SNTG1: variants seen among roughly 807,000 people sequenced by gnomAD.
SNTG1 encodes gamma-1-syntrophin.
Under a neutral mutation model 74.7 loss-of-function variants are expected in SNTG1, and 39 were observed. That is an observed-to-expected ratio of 0.52 (90% CI 0.40 to 0.68). The LOEUF is 0.68. SNTG1 is among the 30% of genes least tolerant of loss of function. SNTG1 has a pLI of 0.00. For missense variants in SNTG1, 685 were observed against 609.5 expected, an observed-to-expected ratio of 1.12 and a Z score of -1.30; for synonymous variants, 254 against 217.1, an observed-to-expected ratio of 1.17 and a Z score of -1.49.
chr8:50,021,947 AATAAAAAT>A (rs1186165484), intron 1 of SNTG1, among the ~76,000 whole-genome samples: 8 of 133,766 alleles, frequency 6.0e-5, no homozygotes, highest in Non-Finnish European at 9.5e-5. Flanking sequence ...TCAAAAAAAA[AATAAAAAT>A]AAAAATAAAA....
chr8:50,453,082 C>G (rs534344391), intron 8 of SNTG1, among the ~76,000 whole-genome samples: 1 of 152,180 alleles, frequency 6.6e-6, no homozygotes, highest in Non-Finnish European at 1.5e-5. Context: ...TATACCTACT[C>G]TATTCCTTGA....
At chr8:50,786,285 A>C (rs1427720112) in intron 18 of SNTG1, among the ~76,000 whole-genome samples, 1 of 152,022 alleles carries the variant, frequency 6.6e-6, no homozygotes, top group Non-Finnish European at 1.5e-5. Flanking sequence ...AGTATCAAAA[A>C]ATTCTAAGGA....
intron 8 of SNTG1, among the ~76,000 whole-genome samples, chr8:50,484,738 A>C (rs1202309151): frequency 1.3e-5 from 2 of 150,702 alleles, no homozygotes; most frequent in Non-Finnish European, 2.9e-5. Flanking sequence ...GCATGCCTGC[A>C]ACCCCAGCTA....
chr8:50,461,007 T>C (rs542757155), intron 8 of SNTG1, among the ~76,000 whole-genome samples: 40 of 152,244 alleles, frequency 2.6e-4, no homozygotes, highest in African/African-American at 7.9e-4. Context: ...GCTTTTTTTT[T>C]CCTCTTACAG....
rs190653838 is a variant in SNTG1, at chr8:50,045,207, T to C, written c.-102-127354T>C. Among the ~76,000 whole-genome samples, 511 of 152,310 alleles carry C rather than the reference T, an allele frequency of 3.4e-3. 5 individuals carry two copies. The highest frequency in any genetic ancestry group is 0.012 in the African/African-American group (479 of 41,552). ...TCTTTGCCTTACTATAAAGAAATAC[T>C]TGTGGCTGGGTAATATATATAAAGA... On this transcript the variant is annotated intron_variant, in intron 1 of 18. Transcript: ENST00000642720.
intron 8 of SNTG1, among the ~76,000 whole-genome samples, chr8:50,482,386 C>T (rs2093748042): frequency 6.6e-6 from 1 of 152,196 alleles, no homozygotes; most frequent in African/African-American, 2.4e-5. Context: ...GCTTCCCCGT[C>T]CCCGCCTACT....
At chr8:49,988,069 G>A (rs1813342304) in intron 1 of SNTG1, among the ~76,000 whole-genome samples, 1 of 152,106 alleles carries the variant, frequency 6.6e-6, no homozygotes, top group African/African-American at 2.4e-5. Flanking sequence ...ACAGGCTCAA[G>A]GCTGTGACTT....
At chr8:50,704,434 G>A (rs970790115) in intron 15 of SNTG1, 166 bp from the exon 16 acceptor site, 1 of 789,304 alleles carries the variant, frequency 1.3e-6, no homozygotes, top group African/African-American at 1.7e-5. Flanking sequence ...CATGTGTTGG[G>A]GCTTTGAAGC....
At chr8:50,450,466 T>C in intron 6 of SNTG1, 90 bp from the exon 7 acceptor site, 2 of 1,352,216 alleles carry the variant, frequency 1.5e-6, no homozygotes, top group African/African-American at 1.5e-5. Context: ...TTTTTATATT[T>C]GTAAATTTTA....
At chr8:50,665,081 G>C (rs1335653882) in intron 15 of SNTG1, among the ~76,000 whole-genome samples, 1 of 152,014 alleles carries the variant, frequency 6.6e-6, no homozygotes, top group Non-Finnish European at 1.5e-5. Context: ...TTACAAATAA[G>C]TTTACATTTT....
intron 8 of SNTG1, among the ~76,000 whole-genome samples, chr8:50,476,375 C>T (rs538406771): frequency 2.0e-5 from 3 of 152,196 alleles, no homozygotes; most frequent in South Asian, 2.1e-4. Context: ...CTTTGAATAA[C>T]GGAGGACTAC....
chr8:50,097,298 T>C (rs1221836928), intron 1 of SNTG1, among the ~76,000 whole-genome samples: 10 of 151,704 alleles, frequency 6.6e-5, no homozygotes. Flanking sequence ...TGCTTAGTTG[T>C]GAATTTGATA....
chr8:50,661,818 C>T (rs2095225381), intron 15 of SNTG1, among the ~76,000 whole-genome samples: 1 of 152,044 alleles, frequency 6.6e-6, no homozygotes, highest in African/African-American at 2.4e-5. Context: ...GTAAATCTAC[C>T]TTCAATTGTT....
intron 18 of SNTG1, among the ~76,000 whole-genome samples, chr8:50,776,946 T>C (rs1040375025): frequency 1.3e-5 from 2 of 151,904 alleles, no homozygotes; most frequent in Non-Finnish European, 2.9e-5. Flanking sequence ...TGAGAAATTC[T>C]CTGTCATTTG....
chr8:50,182,249 A>G (rs933097842), intron 2 of SNTG1, among the ~76,000 whole-genome samples: 1 of 152,182 alleles, frequency 6.6e-6, no homozygotes, highest in African/African-American at 2.4e-5. Context: ...TTTAAAAATG[A>G]GAATGCACCA....
Position 50,648,315 on chromosome 8 carries a change from A to G in SNTG1, c.850-8594A>G, listed in dbSNP as rs532646406. 3.3e-4 allele frequency among the ~76,000 whole-genome samples: 51 copies of G among 152,308 alleles called. No homozygotes were observed. In the South Asian group the frequency reaches 7.5e-3, roughly 22 times the overall value. Reference sequence around the variant, plus strand: ...TGCAGCAAAGTATAGAGGTTGGAAGAGACAACAAACTCAAATGTCATAGTC... The same window carrying G: ...TGCAGCAAAGTATAGAGGTTGGAAGGGACAACAAACTCAAATGTCATAGTC... On this transcript the variant is annotated intron_variant, in intron 13 of 18. Transcript: ENST00000642720.
intron 8 of SNTG1, among the ~76,000 whole-genome samples, chr8:50,494,144 T>C (rs1054199205): frequency 1.5e-4 from 23 of 151,276 alleles, no homozygotes; most frequent in African/African-American, 5.6e-4. Context: ...CACACACATA[T>C]ATATATACAC....
intron 1 of SNTG1, among the ~76,000 whole-genome samples, chr8:50,118,543 C>T (rs2080900229): frequency 1.0e-5 from 1 of 96,736 alleles, no homozygotes; most frequent in South Asian, 5.1e-4. Context: ...TAGTTATTGA[C>T]TCTGGACACA....
At chr8:50,334,408 AG>A (rs1235196032) in intron 2 of SNTG1, among the ~76,000 whole-genome samples, 1 of 152,180 alleles carries the variant, frequency 6.6e-6, no homozygotes, top group African/African-American at 2.4e-5. Flanking sequence ...CCATAACAAA[AG>A]CAAGCTGCCT....
Sources: allele counts gnomAD v4.1 joint callset (sites outside exome capture counted in the v4.1 genomes callset), GRCh38; gene constraint gnomAD v4.1.1; transcripts MANE v1.5; gene names NCBI Gene and HGNC (gene_info 2026-07-23, HGNC 2026-07-21).